Variants in SEC14L1 observed in about 807,000 individuals in gnomAD.
SEC14L1 encodes SEC14-like protein 1.
A neutral mutation model predicts 85.3 loss-of-function variants in SEC14L1; 48 were observed. The ratio of observed to expected loss-of-function variants is 0.56; its 90% CI spans 0.45 to 0.72. The LOEUF (loss-of-function observed/expected upper bound fraction) is 0.72, where lower values mean the gene tolerates loss of function less well. Ranked by LOEUF, SEC14L1 falls within the 30% of genes least tolerant of loss-of-function variation. SEC14L1 has a pLI of 0.00. For synonymous variants in SEC14L1, 391 were observed against 355.5 expected (o/e 1.10, Z -1.12); for missense variants, 682 against 921.4 (o/e 0.74, Z 3.36).
chr17:77,124,147 T>C (rs1972375758), intron 3 of SEC14L1, among the ~76,000 whole-genome samples: 1 of 152,084 alleles, frequency 6.6e-6, no homozygotes, highest in Non-Finnish European at 1.5e-5. Flanking sequence ...GTGGATCACT[T>C]GAGCCCAGGA....
intron 13 of SEC14L1, among the ~76,000 whole-genome samples, chr17:77,207,452 GT>G (rs944001909): frequency 6.8e-5 from 10 of 146,652 alleles, no homozygotes; most frequent in Non-Finnish European, 9.1e-5. Flanking sequence ...GACATTTTTG[GT>G]TTTTTTTTTT....
intron 9 of SEC14L1, among the ~76,000 whole-genome samples, chr17:77,201,702 G>T (rs1185074697): frequency 2.0e-5 from 3 of 152,198 alleles, no homozygotes; most frequent in East Asian, 3.9e-4. Context: ...GCCCACCTTG[G>T]CCTCCAAAAG....
At chr17:77,123,011 T>G (rs982441412) in intron 3 of SEC14L1, among the ~76,000 whole-genome samples, 2 of 151,796 alleles carry the variant, frequency 1.3e-5, no homozygotes, top group African/African-American at 4.8e-5. Flanking sequence ...ACAGGGGCTT[T>G]CTTTTCTGGT....
chr17:77,129,688 G>A (rs1476299638), intron 3 of SEC14L1, among the ~76,000 whole-genome samples: 3 of 152,180 alleles, frequency 2.0e-5, no homozygotes, highest in Non-Finnish European at 4.4e-5. Flanking sequence ...GAAGGTGGAG[G>A]AGGGTTTTCT....
In SEC14L1 at chr17:77,131,516, C is replaced by T. The variant is rs1013182357; in HGVS notation, c.-135-11130C>T. On this transcript the variant is annotated intron_variant, in intron 3 of 19. Coordinates refer to the SEC14L1 transcript ENST00000392476. ...AACTCCTGATCTCAGATGATCCACC[C>T]GCCTCGACCTCCCAAAGTGCTGGGA... is the stretch of plus-strand genomic sequence containing the variant. 4.6e-5 allele frequency among the ~76,000 whole-genome samples: 7 copies of T among 152,202 alleles called. No individual in the cohort carries two copies. In the East Asian group the frequency reaches 9.7e-4, roughly 21 times the overall value.
intron 9 of SEC14L1, 93 bp downstream of exon 9, chr17:77,200,766 G>C (rs928554455): frequency 3.2e-6 from 4 of 1,260,532 alleles, no homozygotes; most frequent in East Asian, 4.7e-5. Flanking sequence ...GTTGAGTGGG[G>C]CCCCCTTGAG....
chr17:77,176,195 C>T (rs1974747816), intron 3 of SEC14L1, among the ~76,000 whole-genome samples: 1 of 151,846 alleles, frequency 6.6e-6, no homozygotes, highest in African/African-American at 2.4e-5. Context: ...GAGGCTGAGG[C>T]AGGAGAATCA....
intron 3 of SEC14L1, among the ~76,000 whole-genome samples, chr17:77,188,542 C>T (rs531164809): frequency 6.6e-6 from 1 of 152,004 alleles, no homozygotes; most frequent in Non-Finnish European, 1.5e-5. Context: ...CATTTAGCCT[C>T]ACTCAGGAAG....
intron 3 of SEC14L1, among the ~76,000 whole-genome samples, chr17:77,117,578 T>A (rs1972203591): frequency 1.3e-5 from 2 of 152,188 alleles, no homozygotes; most frequent in African/African-American, 4.8e-5. Flanking sequence ...GATCAACTCT[T>A]AGATGAGAAT....
At chr17:77,114,696 A>G (rs947861943) in intron 3 of SEC14L1, among the ~76,000 whole-genome samples, 5 of 151,142 alleles carry the variant, frequency 3.3e-5, no homozygotes, top group Non-Finnish European at 5.9e-5. Context: ...TTAGCTGGGC[A>G]TGGTGGCGCA....
At chr17:77,176,322 A>T (rs2143712944) in intron 3 of SEC14L1, among the ~76,000 whole-genome samples, 1 of 151,988 alleles carries the variant, frequency 6.6e-6, no homozygotes, top group Middle Eastern at 3.4e-3. Flanking sequence ...TTAGGAAAGG[A>T]TAGGTATATG....
intron 3 of SEC14L1, among the ~76,000 whole-genome samples, chr17:77,165,482 G>A (rs1047329428): frequency 6.6e-6 from 1 of 152,156 alleles, no homozygotes; most frequent in African/African-American, 2.4e-5. Flanking sequence ...GGTGAGAGAG[G>A]CAGCCAGAAG....
intron 3 of SEC14L1, among the ~76,000 whole-genome samples, chr17:77,096,884 A>G (rs1233737438): frequency 1.3e-5 from 2 of 152,156 alleles, no homozygotes; most frequent in African/African-American, 2.4e-5. Context: ...AAAGTTATGC[A>G]GAAGATTCAT....
chr17:77,135,363 T>C (rs1049811402), intron 3 of SEC14L1, among the ~76,000 whole-genome samples: 9 of 152,234 alleles, frequency 5.9e-5, no homozygotes, highest in African/African-American at 1.9e-4. Context: ...GTCAACTGTT[T>C]CTGTTCTGTG....
intron 3 of SEC14L1, among the ~76,000 whole-genome samples, chr17:77,110,417 G>A (rs1440401533): frequency 6.6e-6 from 1 of 152,090 alleles, no homozygotes; most frequent in Non-Finnish European, 1.5e-5. Context: ...GAAAAGAGTC[G>A]AAGTGTATAA....
In SEC14L1 at chr17:77,191,137, GGTT is replaced by G. The variant is rs758661067; in HGVS notation, c.214-40_214-38del. The G allele has an allele frequency of 5.9e-5, 94 of 1,587,822 alleles. No homozygotes were observed. The African/African-American group carries it at 1.1e-3, about 18-fold the overall frequency. On this transcript the variant is annotated intron_variant, in intron 4 of 16. Transcript: ENST00000436233. ...CTTATACTATAGCTTCTGTGCTATT[GGTT>G]GTTATTAATAAACCCATTTCTCTTT...
intron 3 of SEC14L1, among the ~76,000 whole-genome samples, chr17:77,190,205 A>G (rs2143790432): frequency 6.6e-6 from 1 of 152,322 alleles, no homozygotes; most frequent in African/African-American, 2.4e-5. Flanking sequence ...TTGCTCCAGT[A>G]ACATGTTGAA....
chr17:77,213,294 C>A lies in SEC14L1; in HGVS notation c.1864-20C>A. ...TCGGAAGCGAGTCGCCCTCAGCTGC[C>A]ACTGCCCTACTTGTTCTAGGGTTCC... is the stretch of plus-strand genomic sequence containing the variant. On this transcript the variant is annotated intron_variant, in intron 15 of 16. Transcript: ENST00000436233. The surrounding 1 kb of genome is among the most constrained non-coding windows in gnomAD (Gnocchi z 7.1). The A allele has an allele frequency of 6.3e-7, 1 of 1,587,290 alleles. No homozygotes were observed. The highest frequency in any genetic ancestry group is 1.7e-5 in the Admixed American group (1 of 58,124).
In SEC14L1 at chr17:77,211,941, C is replaced by G. The variant is rs1056505235; in HGVS notation, c.1612-9C>G. On this transcript the variant is annotated splice_polypyrimidine_tract_variant and intron_variant, in intron 14 of 16. Coordinates refer to ENST00000436233, the MANE Select transcript of SEC14L1 (RefSeq NM_001143998.2). The stretch of plus-strand genomic sequence containing the variant: ...GGATCGTGGCTGCCTAACGCTGCCT[C>G]TTTTTCAGATTCTCATTCAGATTGT... The G allele has an allele frequency of 6.2e-7, 1 of 1,613,042 alleles. No homozygotes were observed. The highest frequency in any genetic ancestry group is 8.5e-7 in the Non-Finnish European group (1 of 1,179,264).
Sources: gnomAD v4.1 joint callset for allele counts (sites outside exome capture counted in the v4.1 genomes callset) on GRCh38, gnomAD v4.1.1 for gene constraint, Gnocchi (gnomAD v3.1) non-coding constraint, MANE v1.5 for transcripts, NCBI Gene and HGNC (gene_info 2026-07-23, HGNC 2026-07-21) for gene names.